STXBP5L: variants seen among roughly 807,000 people sequenced by gnomAD.
STXBP5L encodes the protein syntaxin-binding protein 5-like.
Under a neutral mutation model 144.5 loss-of-function variants are expected in STXBP5L, and 65 were observed. That is an observed-to-expected ratio of 0.45 (90% CI 0.37 to 0.55). The LOEUF (loss-of-function observed/expected upper bound fraction) is 0.55. Ranked by LOEUF, STXBP5L falls within the 20% of genes least tolerant of loss-of-function variation. The probability of loss-of-function intolerance (pLI) is 0.00; values close to 1 mark genes in which losing one functional copy is unlikely to be tolerated. For synonymous variants in STXBP5L, 505 were observed against 469.6 expected (o/e 1.08, Z -0.97); for missense variants, 1,298 against 1,405.5 (o/e 0.92, Z 1.22).
intron 5 of STXBP5L, among the ~76,000 whole-genome samples, chr3:121,094,257 G>T (rs1469870816): frequency 1.3e-5 from 2 of 152,130 alleles, no homozygotes; most frequent in African/African-American, 4.8e-5. Context: ...TGTTGATTTG[G>T]GGTGGAGAGT....
intron 3 of STXBP5L, among the ~76,000 whole-genome samples, chr3:121,025,017 C>A (rs1475590719): frequency 4.6e-5 from 7 of 152,046 alleles, no homozygotes; most frequent in Non-Finnish European, 8.8e-5. Flanking sequence ...AACTAGGTGG[C>A]AAATATTCCC....
At chr3:121,240,123 C>A (rs932442143) in intron 13 of STXBP5L, among the ~76,000 whole-genome samples, 2 of 152,056 alleles carry the variant, frequency 1.3e-5, no homozygotes, top group African/African-American at 2.4e-5. Flanking sequence ...TTAAATGGCA[C>A]CACAGTAGTT....
intron 5 of STXBP5L, among the ~76,000 whole-genome samples, chr3:121,082,641 A>G (rs927058962): frequency 2.0e-5 from 3 of 152,210 alleles, no homozygotes; most frequent in Non-Finnish European, 4.4e-5. Context: ...AGGAGAATGG[A>G]GTACATGTGT....
chr3:121,349,612 A>C (rs2045180790), intron 20 of STXBP5L, among the ~76,000 whole-genome samples: 1 of 152,088 alleles, frequency 6.6e-6, no homozygotes, highest in East Asian at 1.9e-4. Flanking sequence ...GTAGGTCTCT[A>C]AGGACTTGCT....
intron 3 of STXBP5L, among the ~76,000 whole-genome samples, chr3:120,980,252 T>G (rs1461548544): frequency 2.6e-5 from 4 of 152,174 alleles, no homozygotes; most frequent in Admixed American, 1.3e-4. Flanking sequence ...TAGAGACCAA[T>G]TTAAGTAAAG....
intron 2 of STXBP5L, among the ~76,000 whole-genome samples, chr3:120,940,924 T>C (rs1559890985): frequency 6.6e-6 from 1 of 151,640 alleles, no homozygotes; most frequent in Non-Finnish European, 1.5e-5. Flanking sequence ...ATATATAATA[T>C]TATGAAAGGA....
chr3:121,399,572 G>C (rs1020648317), intron 22 of STXBP5L, among the ~76,000 whole-genome samples: 1 of 152,192 alleles, frequency 6.6e-6, no homozygotes, highest in African/African-American at 2.4e-5. Context: ...TTAACTAAAA[G>C]TATCCCTTAT....
At chr3:121,078,585 G>C (rs2042122484) in intron 5 of STXBP5L, among the ~76,000 whole-genome samples, 1 of 152,272 alleles carries the variant, frequency 6.6e-6, no homozygotes, top group African/African-American at 2.4e-5. Context: ...AGCAGGGGGT[G>C]GTGCTCTTTG....
chr3:121,030,805 G>A (rs1041801275), intron 3 of STXBP5L, among the ~76,000 whole-genome samples: 4 of 152,176 alleles, frequency 2.6e-5, no homozygotes, highest in Admixed American at 2.6e-4. Context: ...GATAAAGCTT[G>A]AGAATCAATA....
intron 3 of STXBP5L, among the ~76,000 whole-genome samples, chr3:121,005,679 G>C (rs966176224): frequency 6.6e-6 from 1 of 152,110 alleles, no homozygotes; most frequent in Non-Finnish European, 1.5e-5. Context: ...GCTTTCTCTT[G>C]TGGGCGTTTA....
At chr3:121,297,678 CAGA>C (rs1448650033) in intron 19 of STXBP5L, among the ~76,000 whole-genome samples, 1 of 152,130 alleles carries the variant, frequency 6.6e-6, no homozygotes, top group Non-Finnish European at 1.5e-5. Context: ...TGCTTGAACC[CAGA>C]AGGTGGAAGT....
At chr3:121,188,571 C>A (rs1472874984) in intron 9 of STXBP5L, among the ~76,000 whole-genome samples, 2 of 151,866 alleles carry the variant, frequency 1.3e-5, no homozygotes, top group African/African-American at 2.4e-5. Context: ...AAAATACTGG[C>A]AAACTGAATC....
At chr3:121,406,346 T>G (rs1052030841) in intron 22 of STXBP5L, among the ~76,000 whole-genome samples, 3 of 152,108 alleles carry the variant, frequency 2.0e-5, no homozygotes, top group Admixed American at 6.6e-5. Flanking sequence ...ACCCTTCCCT[T>G]TTCAAGTCTC....
intron 5 of STXBP5L, among the ~76,000 whole-genome samples, chr3:121,113,479 C>G (rs1297964924): frequency 6.6e-6 from 1 of 152,078 alleles, no homozygotes; most frequent in East Asian, 1.9e-4. Context: ...ATATAGGCTA[C>G]ACAATTACTA....
At chr3:121,233,506 C>T in intron 11 of STXBP5L, 110 bp from the exon 12 acceptor site, 1 of 699,746 alleles carries the variant, frequency 1.4e-6, no homozygotes, top group South Asian at 3.2e-5. Context: ...ATAGTTTGGT[C>T]TTCTCACATC....
At position 121,279,937 on chromosome 3, in the gene STXBP5L, A is replaced by T. The variant is rs749215602; in HGVS notation, c.2091A>T (p.Lys697Asn). 1 of 1,612,228 alleles carries T rather than the reference A, an allele frequency of 6.2e-7. No individual in the cohort carries two copies. Among genetic ancestry groups the T allele is most frequent in the African/African-American group, 1.3e-5 (1 of 74,944 alleles). The change falls in exon 19 of 27, where the codon AAA (lysine) becomes AAT (asparagine). Residue 697 changes from lysine to asparagine, a missense_variant. Transcript: ENST00000471454. ...AGCGACAACCACGGTCTCCTCGAAA[A>T]AACAAACAGTTCATTGCAGGTAGGA... is the stretch of plus-strand genomic sequence containing the variant. ...LYQRQPRSPR[K>N]NKQFIAGLTE...
intron 9 of STXBP5L, among the ~76,000 whole-genome samples, chr3:121,187,863 G>T (rs748404450): frequency 6.8e-6 from 1 of 148,098 alleles, no homozygotes; most frequent in Non-Finnish European, 1.5e-5. Context: ...CAAGCAAATG[G>T]AAAGAAAAAA....
intron 5 of STXBP5L, among the ~76,000 whole-genome samples, chr3:121,095,465 C>G (rs2043067861): frequency 6.6e-6 from 1 of 152,214 alleles, no homozygotes; most frequent in Non-Finnish European, 1.5e-5. Context: ...TCCCATATTT[C>G]TTGGAGGCTT....
chr3:121,053,174 A>G (rs547204012), intron 5 of STXBP5L, among the ~76,000 whole-genome samples: 5 of 152,332 alleles, frequency 3.3e-5, no homozygotes, highest in African/African-American at 1.2e-4. Flanking sequence ...TGCCCAAGAT[A>G]ATTTATAGAT....
Sources: gnomAD v4.1 joint callset for allele counts (sites outside exome capture counted in the v4.1 genomes callset) on GRCh38, gnomAD v4.1.1 for gene constraint, MANE v1.5 for transcripts, NCBI Gene and HGNC (gene_info 2026-07-23, HGNC 2026-07-21) for gene names.